Variants in IL1RAPL2 observed in about 807,000 individuals in gnomAD.
IL1RAPL2 encodes interleukin 1 receptor accessory protein like 2.
A neutral mutation model predicts 44.1 loss-of-function variants in IL1RAPL2; 3 were observed. That is an observed-to-expected ratio of 0.07 (90% CI 0.03 to 0.18). The LOEUF is 0.18. IL1RAPL2 is among the 10% of genes least tolerant of loss of function. The pLI is 1.00. For missense variants in IL1RAPL2, 391 were observed against 496.4 expected (o/e 0.79, Z 2.02); for synonymous variants, 181 against 178.8 (o/e 1.01, Z -0.10).
At chrX:104,664,374 C>A (rs751309968) in intron 2 of IL1RAPL2, among the ~76,000 whole-genome samples, 40 of 111,057 alleles carry the variant, frequency 3.6e-4, no homozygotes, top group African/African-American at 1.3e-3. Flanking sequence ...GCCTTGAACT[C>A]TGATCTCTGT....
At chrX:104,635,639 T>A (rs2148013879) in intron 1 of IL1RAPL2, among the ~76,000 whole-genome samples, 1 of 112,283 alleles carries the variant, frequency 8.9e-6, no homozygotes, top group Admixed American at 9.5e-5. Flanking sequence ...TCGCATCGGC[T>A]ACTGAGGCTT....
At chrX:104,797,772 T>A (rs1932859639) in intron 2 of IL1RAPL2, among the ~76,000 whole-genome samples, 1 of 112,192 alleles carries the variant, frequency 8.9e-6, no homozygotes, top group Non-Finnish European at 1.9e-5. Context: ...AAAATTGCTG[T>A]GCTAAGACAA....
chrX:104,607,919 C>G (rs1929051715), intron 1 of IL1RAPL2, among the ~76,000 whole-genome samples: 2 of 111,931 alleles, frequency 1.8e-5, no homozygotes, highest in African/African-American at 6.5e-5. Context: ...AGTATACAGA[C>G]ACATGCACAC....
chrX:104,896,240 T>C (rs1923642711), intron 2 of IL1RAPL2, among the ~76,000 whole-genome samples: 1 of 112,080 alleles, frequency 8.9e-6, no homozygotes, highest in Middle Eastern at 4.2e-3. Context: ...CCTTGTCAAA[T>C]TTGTTTCCTC....
At chrX:105,364,846 A>G (rs1878516406) in intron 5 of IL1RAPL2, among the ~76,000 whole-genome samples, 1 of 111,772 alleles carries the variant, frequency 8.9e-6, no homozygotes, top group Non-Finnish European at 1.9e-5. Flanking sequence ...TCATCAGCAA[A>G]CAGAGACAGT....
intron 6 of IL1RAPL2, among the ~76,000 whole-genome samples, chrX:105,539,382 C>T (rs1293983573): frequency 1.8e-5 from 2 of 110,944 alleles, no homozygotes; most frequent in Non-Finnish European, 3.8e-5. Context: ...ATACTGACAG[C>T]ATCTGATATT....
chrX:104,936,754 C>T (rs967234300), intron 2 of IL1RAPL2, among the ~76,000 whole-genome samples: 6 of 108,885 alleles, frequency 5.5e-5, no homozygotes, highest in Admixed American at 2.0e-4. Flanking sequence ...TACAGGCACC[C>T]GCCACCACGG....
intron 5 of IL1RAPL2, among the ~76,000 whole-genome samples, chrX:105,460,124 A>G (rs1346256731): frequency 1.8e-5 from 2 of 111,014 alleles, no homozygotes; most frequent in African/African-American, 6.5e-5. Flanking sequence ...GCACCTGCCC[A>G]TCCCCTAATT....
At chrX:104,859,567 C>A (rs2093060182) in intron 2 of IL1RAPL2, among the ~76,000 whole-genome samples, 1 of 111,747 alleles carries the variant, frequency 8.9e-6, no homozygotes, top group Admixed American at 9.5e-5. Context: ...TTAGTACAAT[C>A]CCTGGATCCC....
At chrX:105,225,984 T>G (rs1447125638) in intron 3 of IL1RAPL2, among the ~76,000 whole-genome samples, 3 of 111,768 alleles carry the variant, frequency 2.7e-5, no homozygotes, top group Non-Finnish European at 5.6e-5. Flanking sequence ...GGCCAGAGAA[T>G]AGCCTTAGAA....
chrX:105,724,460 C>G (rs2038333857), intron 7 of IL1RAPL2, among the ~76,000 whole-genome samples: 1 of 110,684 alleles, frequency 9.0e-6, no homozygotes, highest in Non-Finnish European at 1.9e-5. Context: ...TTTGGGCATA[C>G]AGATTCCCCT....
chrX:105,123,689 T>TG (rs1483825515), intron 2 of IL1RAPL2, among the ~76,000 whole-genome samples: 5 of 111,170 alleles, frequency 4.5e-5, no homozygotes, highest in Admixed American at 9.6e-5. Flanking sequence ...AGTGGTAACA[T>TG]GGGAGAGGAT....
chrX:105,409,427 CAGAT>C (rs1236052447), intron 5 of IL1RAPL2, among the ~76,000 whole-genome samples: 2 of 111,711 alleles, frequency 1.8e-5, no homozygotes, highest in African/African-American at 3.3e-5. Flanking sequence ...ACAAAAGTGA[CAGAT>C]AGCATCTCTG....
intron 5 of IL1RAPL2, among the ~76,000 whole-genome samples, chrX:105,434,747 T>A (rs2035870025): frequency 8.9e-6 from 1 of 112,148 alleles, no homozygotes; most frequent in Non-Finnish European, 1.9e-5. Context: ...TAGCTTTTGT[T>A]GCAATTGCTT....
At chrX:105,079,186 T>C (rs918933829) in intron 2 of IL1RAPL2, among the ~76,000 whole-genome samples, 1 of 111,818 alleles carries the variant, frequency 8.9e-6, no homozygotes, top group Non-Finnish European at 1.9e-5. Flanking sequence ...CTGGAGAGGT[T>C]GTAGAGAAAT....
intron 2 of IL1RAPL2, among the ~76,000 whole-genome samples, chrX:105,187,845 G>A (rs1556134847): frequency 9.0e-6 from 1 of 111,507 alleles, no homozygotes; most frequent in African/African-American, 3.3e-5. Context: ...CCTGAAAATT[G>A]TGAAGAAAGG....
chrX:105,563,431 AT>A, intron 6 of IL1RAPL2, among the ~76,000 whole-genome samples: 1 of 111,819 alleles, frequency 8.9e-6, no homozygotes, highest in East Asian at 2.8e-4. Context: ...TAACAGACCT[AT>A]GCAAAAAGAA....
intron 1 of IL1RAPL2, among the ~76,000 whole-genome samples, chrX:104,603,481 G>A (rs1412318066): frequency 8.9e-6 from 1 of 111,834 alleles, no homozygotes; most frequent in Non-Finnish European, 1.9e-5. Flanking sequence ...GTAGGCTTCA[G>A]AAGATGGGTA....
chrX:105,144,094 G>GTGTGT (rs2033155125), intron 2 of IL1RAPL2, among the ~76,000 whole-genome samples: 1 of 79,575 alleles, frequency 1.3e-5, no homozygotes, highest in Non-Finnish European at 2.4e-5. Context: ...TCAACAGATG[G>GTGTGT]GTGTGTGTGT....
Sources: allele counts gnomAD v4.1 joint callset (sites outside exome capture counted in the v4.1 genomes callset), GRCh38; gene constraint gnomAD v4.1.1; transcripts MANE v1.5; gene names NCBI Gene and HGNC (gene_info 2026-07-23, HGNC 2026-07-21).